RGS7: variants seen among roughly 807,000 people sequenced by gnomAD.
RGS7 encodes regulator of G protein signaling 7.
A neutral mutation model predicts 81.1 loss-of-function variants in RGS7; 27 were observed. That is an observed-to-expected ratio of 0.33 (90% CI 0.25 to 0.46). The LOEUF is 0.46. Among genes scored for constraint, RGS7 ranks in the 20% least tolerant of loss-of-function variants. The pLI is 1.00. For synonymous variants in RGS7, 208 were observed against 207.7 expected (o/e 1.00, Z -0.01); for missense variants, 396 against 607.4 (o/e 0.65, Z 3.66).
intron 3 of RGS7, among the ~76,000 whole-genome samples, chr1:241,068,392 A>G (rs996900371): frequency 6.6e-6 from 1 of 151,444 alleles, no homozygotes; most frequent in African/African-American, 2.4e-5. Context: ...ATTCTGCTCT[A>G]TGATAGCTCA....
intron 2 of RGS7, among the ~76,000 whole-genome samples, chr1:241,215,664 C>T (rs2074503948): frequency 6.6e-6 from 1 of 152,162 alleles, no homozygotes; most frequent in African/African-American, 2.4e-5. Flanking sequence ...GTTCTAGCCA[C>T]CCAAGAGATA....
At chr1:240,911,607 T>C (rs1248773482) in intron 6 of RGS7, among the ~76,000 whole-genome samples, 1 of 152,198 alleles carries the variant, frequency 6.6e-6, no homozygotes, top group African/African-American at 2.4e-5. Context: ...TGGGTGCCTA[T>C]AGCTAAACAT....
At chr1:241,289,350 G>T (rs1413091733) in intron 2 of RGS7, among the ~76,000 whole-genome samples, 1 of 152,094 alleles carries the variant, frequency 6.6e-6, no homozygotes, top group African/African-American at 2.4e-5. Flanking sequence ...CAAATTTAGT[G>T]CAATTATCCA....
chr1:241,188,312 C>CAA (rs1287211338), intron 2 of RGS7, among the ~76,000 whole-genome samples: 2 of 100,118 alleles, frequency 2.0e-5, no homozygotes, highest in East Asian at 2.8e-4. Flanking sequence ...CACACACACA[C>CAA]AAAAAGAGAC....
chr1:241,169,160 A>G (rs1423034563), intron 2 of RGS7, among the ~76,000 whole-genome samples: 1 of 152,040 alleles, frequency 6.6e-6, no homozygotes, highest in Non-Finnish European at 1.5e-5. Context: ...ACATACATAC[A>G]TTTATACACA....
At chr1:241,315,464 C>G (rs1401453035) in intron 2 of RGS7, among the ~76,000 whole-genome samples, 1 of 152,070 alleles carries the variant, frequency 6.6e-6, no homozygotes, top group Non-Finnish European at 1.5e-5. Context: ...AACCAAGCCA[C>G]TTTCTTGTGG....
At chr1:240,944,276 G>A (rs866985879) in intron 4 of RGS7, among the ~76,000 whole-genome samples, 183 of 18,620 alleles carry the variant, frequency 9.8e-3, no homozygotes, top group Non-Finnish European at 0.015. Context: ...GTGTGTGTGT[G>A]TGTGTGTATA....
In RGS7 at chr1:241,339,103, T is replaced by C. The variant is rs868503018; in HGVS notation, c.78+16596A>G. 1.6e-4 allele frequency among the ~76,000 whole-genome samples: 24 copies of C among 152,294 alleles called. 1 individual carries two copies. Among genetic ancestry groups the C allele is most frequent in the Middle Eastern group, 3.4e-3 (1 of 294 alleles). On this transcript the variant is annotated intron_variant, in intron 2 of 18. Transcript: ENST00000440928. ...CCCTCCCTGTGTCCATCTGTTCTCA[T>C]TGTTCAGTCCCACTTATAAGTGAGA...
At chr1:241,045,882 T>C (rs2060898898) in intron 3 of RGS7, among the ~76,000 whole-genome samples, 1 of 152,280 alleles carries the variant, frequency 6.6e-6, no homozygotes, top group Admixed American at 6.5e-5. Flanking sequence ...GCCCTGGAGT[T>C]CTATTCAGGG....
chr1:240,914,837 C>G lies in RGS7; in HGVS notation c.385+15880G>C, dbSNP rs371352313. ...TGATGTCAGAGGGCAAACCATTGAC[C>G]CCATGATTGGAGACAAAGACAGAAA... On this transcript the variant is annotated intron_variant, in intron 6 of 18. Transcript: ENST00000440928. Among the ~76,000 whole-genome samples the G allele has an allele frequency of 9.9e-5, 15 of 152,082 alleles. No homozygotes were observed. The East Asian group carries it at 2.3e-3, about 24-fold the overall frequency.
intron 2 of RGS7, among the ~76,000 whole-genome samples, chr1:241,123,782 T>C (rs2066459877): frequency 6.6e-6 from 1 of 152,032 alleles, no homozygotes; most frequent in African/African-American, 2.4e-5. Flanking sequence ...AACATGGCTT[T>C]AGGTTTTGGT....
intron 2 of RGS7, among the ~76,000 whole-genome samples, chr1:241,315,800 T>C (rs1201106667): frequency 6.6e-6 from 1 of 152,206 alleles, no homozygotes; most frequent in Non-Finnish European, 1.5e-5. Context: ...AAGCTTTCAG[T>C]TTTTTACCAT....
chr1:240,844,167 A>AT (rs1658634310), intron 9 of RGS7, among the ~76,000 whole-genome samples: 1 of 152,018 alleles, frequency 6.6e-6, no homozygotes, highest in Non-Finnish European at 1.5e-5. Flanking sequence ...ATTTGGCCCC[A>AT]TTTTCTCCCC....
intron 3 of RGS7, among the ~76,000 whole-genome samples, chr1:240,999,234 A>ATATTAT (rs145501494): frequency 2.6e-5 from 4 of 151,384 alleles, no homozygotes; most frequent in Non-Finnish European, 4.4e-5. Context: ...TGCTTAAAGC[A>ATATTAT]TATTATTATT....
chr1:241,043,918 C>A (rs1012849102), intron 3 of RGS7, among the ~76,000 whole-genome samples: 1 of 151,738 alleles, frequency 6.6e-6, no homozygotes, highest in African/African-American at 2.4e-5. Context: ...TAGAACCAAT[C>A]CTGTGCAGAT....
chr1:241,193,487 C>T (rs1307156645), intron 2 of RGS7, among the ~76,000 whole-genome samples: 1 of 152,204 alleles, frequency 6.6e-6, no homozygotes, highest in Non-Finnish European at 1.5e-5. Context: ...TCTCATCTAG[C>T]TGATATTATC....
chr1:241,090,511 T>C (rs2063807072), intron 3 of RGS7, among the ~76,000 whole-genome samples: 1 of 152,148 alleles, frequency 6.6e-6, no homozygotes, highest in Non-Finnish European at 1.5e-5. Context: ...ATTAGAAACA[T>C]ACATTTAGAA....
chr1:241,336,181 A>G (rs776855164), intron 2 of RGS7, among the ~76,000 whole-genome samples: 14 of 152,198 alleles, frequency 9.2e-5, no homozygotes, highest in African/African-American at 3.4e-4. Flanking sequence ...ATGGCACATC[A>G]GATTCGCTTT....
intron 3 of RGS7, among the ~76,000 whole-genome samples, chr1:241,041,808 T>C (rs1340153646): frequency 3.9e-5 from 6 of 152,172 alleles, no homozygotes; most frequent in Admixed American, 2.0e-4. Flanking sequence ...ACACTTACAA[T>C]GAACTAACTC....
Sources: gnomAD v4.1 joint callset for allele counts (sites outside exome capture counted in the v4.1 genomes callset) on GRCh38, gnomAD v4.1.1 for gene constraint, MANE v1.5 for transcripts, NCBI Gene and HGNC (gene_info 2026-07-23, HGNC 2026-07-21) for gene names.